Variants in RTTN observed in about 807,000 individuals in gnomAD.
The protein encoded by RTTN is rotatin.
Under a neutral mutation model 269.2 loss-of-function variants are expected in RTTN, and 182 were observed. The observed-to-expected ratio is 0.68, with a 90% confidence interval of 0.60 to 0.76. The LOEUF is 0.76. RTTN is among the 30% of genes least tolerant of loss of function. RTTN has a pLI of 0.00. For synonymous variants in RTTN, 1,006 were observed against 963.5 expected (o/e 1.04, Z -0.82); for missense variants, 2,545 against 2,608.6 (o/e 0.98, Z 0.53).
At chr18:70,120,484 C>T (rs1027472464) in intron 26 of RTTN, among the ~76,000 whole-genome samples, 31 of 152,090 alleles carry the variant, frequency 2.0e-4, no homozygotes, top group African/African-American at 6.3e-4. Flanking sequence ...CTCTAAGTTT[C>T]GCAAATGTGT....
chr18:70,189,390 T>C (rs17082189), intron 9 of RTTN, among the ~76,000 whole-genome samples: 13,830 of 152,246 alleles, frequency 0.091, 1,394 homozygotes, highest in African/African-American at 0.25. Context: ...GACATGGGAC[T>C]TAAAGAACCA....
At chr18:70,008,800 T>G (rs986440173) in intron 46 of RTTN, 1 of 150,144 alleles carries the variant, frequency 6.7e-6, no homozygotes, top group African/African-American at 2.5e-5. Flanking sequence ...TACCTGAGAG[T>G]GATGGGGAAA....
intron 44 of RTTN, 56 bp from the exon 45 acceptor site, chr18:70,020,873 A>C: frequency 1.4e-6 from 2 of 1,450,926 alleles, no homozygotes; most frequent in Non-Finnish European, 1.9e-6. Flanking sequence ...TTAGTTTTTG[A>C]AGACACTAAG....
At chr18:70,037,825 G>A (rs1305272548) in intron 40 of RTTN, among the ~76,000 whole-genome samples, 1 of 152,216 alleles carries the variant, frequency 6.6e-6, no homozygotes, top group Non-Finnish European at 1.5e-5. Flanking sequence ...CCTGAATCCA[G>A]GCCGAGCCTC....
At chr18:70,184,489 G>A (rs1049500440) in intron 10 of RTTN, among the ~76,000 whole-genome samples, 2 of 152,016 alleles carry the variant, frequency 1.3e-5, no homozygotes, top group Non-Finnish European at 2.9e-5. Flanking sequence ...GAGGCGGACA[G>A]TGCAGTGAGC....
At chr18:70,026,446 GCT>G (rs920349899) in intron 43 of RTTN, among the ~76,000 whole-genome samples, 6 of 152,078 alleles carry the variant, frequency 3.9e-5, no homozygotes, top group Non-Finnish European at 7.4e-5. Flanking sequence ...CTCCTCGCCA[GCT>G]CTCTCACTCT....
intron 25 of RTTN, among the ~76,000 whole-genome samples, chr18:70,122,796 G>A (rs1428493451): frequency 6.6e-6 from 1 of 152,118 alleles, no homozygotes; most frequent in African/African-American, 2.4e-5. Flanking sequence ...GCCGGATTAT[G>A]AAAATTGAGA....
chr18:70,151,646 G>C (rs2060541760), intron 14 of RTTN, among the ~76,000 whole-genome samples: 1 of 151,996 alleles, frequency 6.6e-6, no homozygotes, highest in Admixed American at 6.6e-5. Context: ...CATATTACAA[G>C]GTTTTCAAAG....
chr18:70,088,113 A>T lies in RTTN; in HGVS notation c.4178T>A (p.Leu1393Gln). 5.0e-6 allele frequency: 8 copies of T among 1,613,770 alleles called. No homozygotes were observed. Among genetic ancestry groups the T allele is most frequent in the Non-Finnish European group, 6.8e-6 (8 of 1,179,844 alleles). ...RFTSLGLGSA[L>Q]TTLETGCVAL... ...CACACAGCCCGTTTCAAGGGTGGTC[A>T]GTGCTGATCCTAATCCCAGTGAAGT... The change falls in exon 31 of 49, where the codon CTG becomes CAG. Residue 1393 changes from leucine (L) to glutamine (Q), a missense_variant. Transcript: ENST00000640769.
chr18:70,047,952 A>T lies in RTTN; in HGVS notation c.5541+19T>A. 1 of 1,599,044 alleles carries T rather than the reference A, an allele frequency of 6.3e-7. No individual in the cohort carries two copies. The highest frequency in any genetic ancestry group is 1.1e-5 in the South Asian group (1 of 90,272). ...TTAAACGCTAAATAAAGTTTTTGAA[A>T]AACCAAGAAATGACGTACCTGAAGG... On this transcript the variant is annotated intron_variant, in intron 40 of 48. Transcript: ENST00000640769.
At chr18:70,074,141 TAA>T (rs879380082) in intron 33 of RTTN, 147 bp from the exon 34 acceptor site, 207 of 354,452 alleles carry the variant, frequency 5.8e-4, no homozygotes, top group East Asian at 8.1e-4. Context: ...GACCACTATT[TAA>T]AAAAAAAAAA....
chr18:70,088,258 A>G (rs2058754004), intron 30 of RTTN, 111 bp from the exon 31 acceptor site: 2 of 971,414 alleles, frequency 2.1e-6, no homozygotes, highest in Non-Finnish European at 2.9e-6. Context: ...CATTGGTTTT[A>G]TGATCCTAAA....
chr18:70,138,596 G>A (rs991191768), intron 21 of RTTN: 5 of 152,082 alleles, frequency 3.3e-5, no homozygotes, highest in African/African-American at 9.7e-5. Flanking sequence ...CTAAAAATCC[G>A]TAACTGCTGC....
Position 70,020,589 on chromosome 18 carries a change from G to A in RTTN, c.6153+26C>T, listed in dbSNP as rs778303737. 3.2e-6 allele frequency: 5 copies of A among 1,552,134 alleles called. No individual in the cohort carries two copies. The Admixed American group carries it at 5.2e-5, about 16-fold the overall frequency. On this transcript the variant is annotated intron_variant, in intron 45 of 48. Coordinates refer to ENST00000640769, the MANE Select transcript of RTTN (RefSeq NM_173630.4). ...ATTATTTCACTGAGTACCCTTTTAA[G>A]ATATGTGGGGAGTTTAAGTGCGTAC...
chr18:70,133,976 C>T (rs2060059616), intron 23 of RTTN, among the ~76,000 whole-genome samples: 2 of 152,012 alleles, frequency 1.3e-5, no homozygotes, highest in African/African-American at 2.4e-5. Context: ...TTGGAGATAA[C>T]TGGAGAAACC....
chr18:70,124,675 C>G (rs958832343), intron 25 of RTTN, among the ~76,000 whole-genome samples: 3 of 152,016 alleles, frequency 2.0e-5, no homozygotes, highest in African/African-American at 7.2e-5. Flanking sequence ...TAAGCAAGAG[C>G]TAGATCAAAA....
At chr18:70,115,678 C>G (rs1421860503) in intron 26 of RTTN, among the ~76,000 whole-genome samples, 1 of 151,874 alleles carries the variant, frequency 6.6e-6, no homozygotes, top group African/African-American at 2.4e-5. Flanking sequence ...GCATCTTACT[C>G]CAAAGCTAGT....
intron 37 of RTTN, among the ~76,000 whole-genome samples, chr18:70,057,058 G>A (rs1031553224): frequency 2.0e-5 from 3 of 152,194 alleles, no homozygotes; most frequent in Non-Finnish European, 2.9e-5. Flanking sequence ...AAGACCATGC[G>A]TGTAGCATTC....
intron 7 of RTTN, among the ~76,000 whole-genome samples, chr18:70,196,080 A>G (rs1475257960): frequency 1.3e-5 from 2 of 152,224 alleles, no homozygotes; most frequent in African/African-American, 2.4e-5. Context: ...ACTTGACTAC[A>G]TTGCAAGTTG....
Sources: allele counts gnomAD v4.1 joint callset (sites outside exome capture counted in the v4.1 genomes callset), GRCh38; gene constraint gnomAD v4.1.1; transcripts MANE v1.5; gene names NCBI Gene and HGNC (gene_info 2026-07-23, HGNC 2026-07-21).